Variants in ANK1 observed in about 807,000 individuals in gnomAD.
ANK1 encodes ankyrin 1.
A neutral mutation model predicts 210.4 loss-of-function variants in ANK1; 51 were observed. That is an observed-to-expected ratio of 0.24 (90% confidence interval 0.19 to 0.31). The LOEUF (loss-of-function observed/expected upper bound fraction) is 0.31. Among genes scored for constraint, ANK1 ranks in the 10% least tolerant of loss-of-function variants. The pLI, the probability that ANK1 is intolerant of heterozygous loss-of-function variation, is 1.00. For synonymous variants in ANK1, 967 were observed against 1,025.9 expected, an observed-to-expected ratio of 0.94 and a Z score of 1.10; for missense variants, 2,051 against 2,504.4, an observed-to-expected ratio of 0.82 and a Z score of 3.86.
intron 1 of ANK1, among the ~76,000 whole-genome samples, chr8:41,794,077 G>A (rs1168125483): frequency 2.0e-5 from 3 of 152,156 alleles, no homozygotes; most frequent in Non-Finnish European, 4.4e-5. Flanking sequence ...CCTACAAAAC[G>A]TGAATCCCTG....
intron 1 of ANK1, among the ~76,000 whole-genome samples, chr8:41,777,041 A>C (rs988576298): frequency 6.6e-6 from 1 of 152,178 alleles, no homozygotes; most frequent in African/African-American, 2.4e-5. Context: ...GCTCTTTCAG[A>C]TATCTTTTCA....
At chr8:41,851,052 TC>T (rs1391473180) in intron 1 of ANK1, among the ~76,000 whole-genome samples, 2 of 152,222 alleles carry the variant, frequency 1.3e-5, no homozygotes, top group Non-Finnish European at 2.9e-5. Flanking sequence ...CTTACCTGTG[TC>T]TTTTCAATCA....
intron 1 of ANK1, among the ~76,000 whole-genome samples, chr8:41,786,380 G>C (rs1375924239): frequency 6.6e-6 from 1 of 152,196 alleles, no homozygotes; most frequent in Non-Finnish European, 1.5e-5. Context: ...ATGCCCCTGA[G>C]GAGAAAGCAT....
intron 2 of ANK1, among the ~76,000 whole-genome samples, chr8:41,747,200 A>G (rs1318345573): frequency 6.6e-6 from 1 of 152,186 alleles, no homozygotes; most frequent in East Asian, 1.9e-4. Flanking sequence ...AACGGACAGA[A>G]AGGGTTTACA....
At chr8:41,802,306 A>T (rs549580118), upstream of ANK1, among the ~76,000 whole-genome samples, 1 of 152,276 alleles carries the variant, frequency 6.6e-6, no homozygotes, top group East Asian at 1.9e-4. Flanking sequence ...TTTACTTCTC[A>T]TATTTAGGTC....
chr8:41,812,847 A>C (rs768205825), intron 1 of ANK1, among the ~76,000 whole-genome samples: 2 of 152,156 alleles, frequency 1.3e-5, no homozygotes, highest in Non-Finnish European at 2.9e-5. Flanking sequence ...TAACACTCCT[A>C]TGAGAATCTG....
intron 1 of ANK1, among the ~76,000 whole-genome samples, chr8:41,879,452 CA>C (rs1817193922): frequency 6.6e-6 from 1 of 152,204 alleles, no homozygotes; most frequent in Admixed American, 6.5e-5. Context: ...ATAATTCAAA[CA>C]AAACATCTAA....
At chr8:41,811,730 C>T (rs1802530702) in intron 1 of ANK1, among the ~76,000 whole-genome samples, 2 of 152,254 alleles carry the variant, frequency 1.3e-5, no homozygotes, top group African/African-American at 4.8e-5. Flanking sequence ...GACAGGGATG[C>T]TGTGAGGACT....
intron 1 of ANK1, among the ~76,000 whole-genome samples, chr8:41,877,347 G>C (rs1015047724): frequency 4.6e-5 from 7 of 152,248 alleles, no homozygotes; most frequent in African/African-American, 1.4e-4. Flanking sequence ...GCTGATGGTG[G>C]GAGATGTGTG....
Position 41,797,401 on chromosome 8 carries a change from G to A in ANK1, c.27+111C>T. ...AGGCAGGGAGCCCACGGGGAGGCGAGGCGGGTGGGGTGTGCAAAGCTGCTC... is the reference window on the plus strand; with the variant it reads ...AGGCAGGGAGCCCACGGGGAGGCGAAGCGGGTGGGGTGTGCAAAGCTGCTC... On this transcript the variant is annotated intron_variant, in intron 1 of 42. Coordinates refer to ENST00000289734, the MANE Select transcript of ANK1 (RefSeq NM_000037.4). The surrounding 1 kb of genome is among the most constrained non-coding windows in gnomAD (Gnocchi z 4.0). 1.0e-6 allele frequency: 1 copy of A among 966,114 alleles called. No individual in the cohort carries two copies. Among genetic ancestry groups the A allele is most frequent in the South Asian group, 1.4e-5 (1 of 69,676 alleles). 59.8% of individuals were successfully genotyped at this position (966,114 alleles called of 1,614,324 possible). A position where few individuals can be genotyped will look rare whatever the true frequency, so the allele number is the denominator to read the frequency against.
Position 41,708,788 on chromosome 8 carries a change from A to G in ANK1, c.1988T>C (p.Leu663Pro). ...AGACACCATGCCTACCTTGTTCCCC[A>G]GGTTGCCATTGGCTTGTTTCGAGAG... ...LLLSKQANGNLGNKSGLTPLH... is the reference protein window; with the variant it reads ...LLLSKQANGNPGNKSGLTPLH... Residue 663 changes from leucine to proline, a missense_variant, in exon 17 of 43, where the codon CTG (leucine) becomes CCG (proline). Leu to Pro is a moderately conservative substitution (Grantham distance 98). Coordinates refer to ENST00000289734, the MANE Select transcript of ANK1 (RefSeq NM_000037.4). The G allele has an allele frequency of 1.2e-6, 2 of 1,613,942 alleles. No homozygotes were observed. The highest frequency in any genetic ancestry group is 1.7e-6 in the Non-Finnish European group (2 of 1,180,042).
chr8:41,884,489 T>C (rs890191788), intron 1 of ANK1, among the ~76,000 whole-genome samples: 2 of 152,150 alleles, frequency 1.3e-5, no homozygotes, highest in African/African-American at 4.8e-5. Context: ...ACTTCTTCCA[T>C]AGTATCTCAG....
In ANK1 at chr8:41,714,246, C is replaced by T; in HGVS notation, c.1710G>A (p.Leu570=). The T allele has an allele frequency of 6.5e-7, 1 of 1,533,942 alleles. No homozygotes were observed. The highest frequency in any genetic ancestry group is 8.8e-7 in the Non-Finnish European group (1 of 1,132,008). Residue 570 remains leucine (L), a synonymous_variant, in exon 16 of 43, where the codon CTG becomes CTA. Transcript: ENST00000289734. The part of the protein sequence containing the change: ...AHPNAAGKNG[L]TPLHVAVHHN... The stretch of plus-strand genomic sequence containing the variant: ...GATGGACGGCCACGTGCAGGGGGGT[C>T]AGGCCATTCTGCAGGGGACAAAGAC...
intron 42 of ANK1, among the ~76,000 whole-genome samples, chr8:41,659,376 G>T (rs485235): frequency 1 from 152,351 of 152,352 alleles, 76,175 homozygotes; most frequent in Non-Finnish European, 1. Flanking sequence ...GGATTGCACG[G>T]GTTGGGCGAC....
intron 5 of ANK1, among the ~76,000 whole-genome samples, chr8:41,726,680 C>T (rs1830780388): frequency 6.6e-6 from 1 of 152,196 alleles, no homozygotes; most frequent in Non-Finnish European, 1.5e-5. Context: ...AGCCACTGCG[C>T]TTGGCCATGA....
intron 1 of ANK1, among the ~76,000 whole-genome samples, chr8:41,803,041 G>A (rs1168828766): frequency 9.4e-4 from 53 of 56,266 alleles, no homozygotes; most frequent in African/African-American, 3.5e-3. Context: ...AAGAAAGAAA[G>A]AGAAAGAAAG....
rs771058475 is a variant in ANK1 at position 41,701,589 on chromosome 8, C to T, written c.2422G>A (p.Glu808Lys). The T allele has an allele frequency of 1.2e-6, 2 of 1,614,044 alleles. No homozygotes were observed. The highest frequency in any genetic ancestry group is 1.3e-5 in the African/African-American group (1 of 74,932). Residue 808 changes from glutamate to lysine, a missense_variant, in exon 22 of 43, where the codon GAG becomes AAG. Glu to Lys is a moderately conservative substitution (Grantham distance 56). Around this residue, in one of 6 missense-constraint regions of ANK1, gnomAD observed 1,413 missense variants for 1,707.4 expected, o/e 0.83. Transcript: ENST00000289734. ...VSDKHRMSFPETVDEILDVSE... is the reference protein window; with the variant it reads ...VSDKHRMSFPKTVDEILDVSE... Reference sequence around the variant, plus strand: ...ACATCCAGGATCTCATCAACTGTCTCAGGGAAACTCATTCGATGCTTATCA... The same window carrying T: ...ACATCCAGGATCTCATCAACTGTCTTAGGGAAACTCATTCGATGCTTATCA...
chr8:41,856,504 T>G (rs1423703692), intron 1 of ANK1, among the ~76,000 whole-genome samples: 2 of 152,236 alleles, frequency 1.3e-5, no homozygotes, highest in African/African-American at 4.8e-5. Context: ...CAAAGCCACT[T>G]GAACTCTCTG....
In ANK1 at chr8:41,725,859, C is replaced by G. The variant is rs1437211157; in HGVS notation, c.514G>C (p.Val172Leu). 1 of 1,612,420 alleles carries G rather than the reference C, an allele frequency of 6.2e-7. No homozygotes were observed. Among genetic ancestry groups the G allele is most frequent in the Non-Finnish European group, 8.5e-7 (1 of 1,179,720 alleles). The change falls in exon 6 of 43, where the codon GTG becomes CTG. Residue 172 changes from valine to leucine, a missense_variant. By Grantham distance (32) the Val-to-Leu change is conservative (BLOSUM62 1). Coordinates refer to ENST00000289734, the MANE Select transcript of ANK1 (RefSeq NM_000037.4). ...GCGATGTGCAGGGCCGGGAGGCGCACCTTCCCCTTGGTGCCGTAGTTGATG... is the reference window on the plus strand; with the variant it reads ...GCGATGTGCAGGGCCGGGAGGCGCAGCTTCCCCTTGGTGCCGTAGTTGATG... ...HLINYGTKGK[V>L]RLPALHIAAR...
Sources: gnomAD v4.1 joint callset for allele counts (sites outside exome capture counted in the v4.1 genomes callset) on GRCh38, gnomAD v4.1.1 for gene constraint, gnomAD v4.1.1 regional missense constraint, Gnocchi (gnomAD v3.1) non-coding constraint, MANE v1.5 for transcripts, NCBI Gene and HGNC (gene_info 2026-07-23, HGNC 2026-07-21) for gene names.